The following CDC37L1 variants were observed in gnomAD, a reference collection of about 807,000 sequenced individuals.
CDC37L1 encodes the protein hsp90 co-chaperone Cdc37-like 1.
Under a neutral mutation model 45.9 loss-of-function variants are expected in CDC37L1, and 32 were observed. That is an observed-to-expected ratio of 0.70 (90% CI 0.53 to 0.94). The LOEUF (loss-of-function observed/expected upper bound fraction) is 0.94. Ranked by LOEUF, CDC37L1 falls within the 40% of genes least tolerant of loss-of-function variation. CDC37L1 has a pLI of 0.00. For synonymous variants in CDC37L1, 150 were observed against 133.0 expected (o/e 1.13, Z -0.88); for missense variants, 434 against 405.7 (o/e 1.07, Z -0.60).
At chr9:4,694,635 G>C (rs1841330085) in intron 3 of CDC37L1, among the ~76,000 whole-genome samples, 2 of 152,154 alleles carry the variant, frequency 1.3e-5, no homozygotes, top group South Asian at 2.1e-4. Context: ...CACTTTGGGA[G>C]GCCGAGGCAG....
At chr9:4,700,113 T>A (rs1841383453) in intron 5 of CDC37L1, among the ~76,000 whole-genome samples, 1 of 152,204 alleles carries the variant, frequency 6.6e-6, no homozygotes, top group Non-Finnish European at 1.5e-5. Flanking sequence ...TAGCAAATGC[T>A]TGACTTGATA....
intron 6 of CDC37L1, chr9:4,703,149 G>C: frequency 1.3e-6 from 2 of 1,501,446 alleles, no homozygotes; most frequent in Non-Finnish European, 8.9e-7. Flanking sequence ...GAGAAGGAAA[G>C]TCTTATTCAA....
At chr9:4,684,131 A>G (rs1841224086) in intron 1 of CDC37L1, among the ~76,000 whole-genome samples, 1 of 152,072 alleles carries the variant, frequency 6.6e-6, no homozygotes, top group Admixed American at 6.6e-5. Flanking sequence ...TAAAAATACA[A>G]AAATTAGCTG....
At chr9:4,691,588 G>A (rs548783765) in intron 3 of CDC37L1, among the ~76,000 whole-genome samples, 1 of 152,026 alleles carries the variant, frequency 6.6e-6, no homozygotes, top group Admixed American at 6.5e-5. Flanking sequence ...GTGTGTGTGG[G>A]GGCTGTATAG....
intron 1 of CDC37L1, among the ~76,000 whole-genome samples, chr9:4,682,785 A>G (rs1014897305): frequency 6.6e-6 from 1 of 151,962 alleles, no homozygotes; most frequent in Non-Finnish European, 1.5e-5. Flanking sequence ...AAGAAGTTTT[A>G]TATACAAAAG....
intron 1 of CDC37L1, among the ~76,000 whole-genome samples, chr9:4,681,998 G>A (rs1028793256): frequency 3.5e-4 from 53 of 152,190 alleles, no homozygotes; most frequent in African/African-American, 1.2e-3. Context: ...TGCCCAAATG[G>A]CCAAATGTTG....
rs984185725 is a variant in CDC37L1 at position 4,679,639 on chromosome 9, G to T, written c.-129G>T. ...GCAGCGGCGTCGCGGCCAGTAGAGG[G>T]ATTCTGGGTAACGGCCCGGACCCCC... On this transcript the variant is annotated 5_prime_UTR_variant, in exon 1 of 7. Coordinates refer to ENST00000381854, the MANE Select transcript of CDC37L1 (RefSeq NM_017913.4). 8.6e-6 allele frequency: 7 copies of T among 816,100 alleles called. No homozygotes were observed. Among genetic ancestry groups the T allele is most frequent in the Non-Finnish European group, 1.3e-5 (7 of 540,192 alleles). 50.6% of individuals were successfully genotyped at this position (816,100 alleles called of 1,614,324 possible).
At chr9:4,698,166 G>A (rs1841365337) in intron 5 of CDC37L1, among the ~76,000 whole-genome samples, 1 of 152,054 alleles carries the variant, frequency 6.6e-6, no homozygotes, top group Admixed American at 6.6e-5. Flanking sequence ...TAAATACTGA[G>A]TGCCTAATGC....
At chr9:4,684,251 T>C (rs1415410431) in intron 1 of CDC37L1, among the ~76,000 whole-genome samples, 1 of 152,200 alleles carries the variant, frequency 6.6e-6, no homozygotes, top group Non-Finnish European at 1.5e-5. Flanking sequence ...ACCTTTGCAC[T>C]CTAGCCTGGT....
intron 1 of CDC37L1, 132 bp from the exon 2 acceptor site, chr9:4,684,745 G>T: frequency 3.3e-6 from 2 of 608,398 alleles, no homozygotes; most frequent in Non-Finnish European, 5.7e-6. Flanking sequence ...AAACATGACT[G>T]CAGACCTAGA....
rs1165996381 is a variant in CDC37L1 at position 4,688,501 on chromosome 9, A to AT, written c.415-6dup. On this transcript the variant is annotated splice_polypyrimidine_tract_variant and intron_variant, in intron 2 of 6. Transcript: ENST00000381854. ...TTAAAATCTGATTTAAATTTCTAAA[A>AT]TTTTTTCTTAGAGTTTTATTAATCA... 2.2e-6 allele frequency: 3 copies of AT among 1,334,866 alleles called. No individual in the cohort carries two copies. The highest frequency in any genetic ancestry group is 2.0e-6 in the Non-Finnish European group (2 of 980,074). The allele number at this position is 1,334,866 out of a possible 1,614,324, so 82.7% of individuals were successfully genotyped here.
chr9:4,682,723 T>A (rs1841207094), intron 1 of CDC37L1, among the ~76,000 whole-genome samples: 1 of 151,988 alleles, frequency 6.6e-6, no homozygotes, highest in African/African-American at 2.4e-5. Context: ...TCCGCCCGCC[T>A]CAGCCTCCCA....
intron 3 of CDC37L1, among the ~76,000 whole-genome samples, chr9:4,690,642 C>T (rs1388944337): frequency 6.6e-6 from 1 of 152,174 alleles, no homozygotes. Flanking sequence ...AATCATTTTG[C>T]TGTTACGTGT....
intron 6 of CDC37L1, among the ~76,000 whole-genome samples, chr9:4,702,436 G>A (rs1015088292): frequency 6.6e-6 from 1 of 152,142 alleles, no homozygotes; most frequent in Admixed American, 6.5e-5. Flanking sequence ...AGTGTGATCT[G>A]TTGCTTAAGT....
At chr9:4,694,964 A>G (rs1841333624) in intron 3 of CDC37L1, among the ~76,000 whole-genome samples, 1 of 152,168 alleles carries the variant, frequency 6.6e-6, no homozygotes, top group South Asian at 2.1e-4. Flanking sequence ...TGCAAAATAA[A>G]CCAGAATGGA....
intron 1 of CDC37L1, 45 bp from the exon 2 acceptor site, chr9:4,684,832 C>T: frequency 4.2e-6 from 6 of 1,417,576 alleles, no homozygotes; most frequent in Non-Finnish European, 5.9e-6. Flanking sequence ...GCTGCACAAA[C>T]ATCCATTGCT....
chr9:4,684,348 T>C (rs1841226747), intron 1 of CDC37L1, among the ~76,000 whole-genome samples: 1 of 152,172 alleles, frequency 6.6e-6, no homozygotes, highest in Non-Finnish European at 1.5e-5. Context: ...CTGTCTGATA[T>C]AATCAGTTAT....
intron 2 of CDC37L1, among the ~76,000 whole-genome samples, chr9:4,687,559 G>T (rs1481136277): frequency 6.6e-6 from 1 of 151,334 alleles, no homozygotes; most frequent in African/African-American, 2.4e-5. Context: ...CACACCTGTA[G>T]TCCCAGCTAC....
At chr9:4,691,347 C>G (rs1841299068) in intron 3 of CDC37L1, among the ~76,000 whole-genome samples, 1 of 152,168 alleles carries the variant, frequency 6.6e-6, no homozygotes, top group Admixed American at 6.5e-5. Flanking sequence ...TCGGTAAACT[C>G]CAGTGTGTGT....
Sources: allele counts gnomAD v4.1 joint callset (sites outside exome capture counted in the v4.1 genomes callset), GRCh38; gene constraint gnomAD v4.1.1; transcripts MANE v1.5; gene names NCBI Gene and HGNC (gene_info 2026-07-23, HGNC 2026-07-21).